MARCHF1: variants seen among roughly 807,000 people sequenced by gnomAD.
The protein encoded by MARCHF1 is membrane associated ring-CH-type finger 1.
A neutral mutation model predicts 54.2 loss-of-function variants in MARCHF1; 40 were observed. That is an observed-to-expected ratio of 0.74 (90% CI 0.57 to 0.96). The LOEUF (loss-of-function observed/expected upper bound fraction) is 0.96. Ranked by LOEUF, MARCHF1 falls within the 40% of genes least tolerant of loss-of-function variation. The pLI is 0.00. For synonymous variants in MARCHF1, 236 were observed against 236.3 expected (o/e 1.00, Z 0.01); for missense variants, 586 against 656.5 (o/e 0.89, Z 1.17).
chr4:164,250,205 G>A (rs1733083135), intron 1 of MARCHF1, among the ~76,000 whole-genome samples: 1 of 152,046 alleles, frequency 6.6e-6, no homozygotes, highest in Non-Finnish European at 1.5e-5. Context: ...TATGTGCATG[G>A]TTAAAGTCAT....
At chr4:163,896,671 A>G (rs983267812) in intron 3 of MARCHF1, among the ~76,000 whole-genome samples, 9 of 152,150 alleles carry the variant, frequency 5.9e-5, no homozygotes, top group Admixed American at 2.6e-4. Context: ...CCTGACATCT[A>G]TCTCTTATCC....
intron 4 of MARCHF1, among the ~76,000 whole-genome samples, chr4:163,741,943 A>C (rs1393261688): frequency 6.6e-6 from 1 of 152,152 alleles, no homozygotes; most frequent in Non-Finnish European, 1.5e-5. Flanking sequence ...TGTTATTTTA[A>C]TTTCCTTCAC....
At chr4:163,877,422 C>T (rs1403642178) in intron 3 of MARCHF1, among the ~76,000 whole-genome samples, 1 of 150,362 alleles carries the variant, frequency 6.7e-6, no homozygotes, top group South Asian at 2.1e-4. Flanking sequence ...CCACCCTTGA[C>T]ATTTTTATCC....
At chr4:164,297,165 C>T (rs1734433536) in intron 1 of MARCHF1, among the ~76,000 whole-genome samples, 1 of 152,166 alleles carries the variant, frequency 6.6e-6, no homozygotes, top group Admixed American at 6.6e-5. Flanking sequence ...TTAAAATTCT[C>T]AATGCAAACA....
At chr4:163,568,872 A>G (rs1222624715) in intron 8 of MARCHF1, among the ~76,000 whole-genome samples, 1 of 152,136 alleles carries the variant, frequency 6.6e-6, no homozygotes, top group Non-Finnish European at 1.5e-5. Flanking sequence ...AACTGCAAAC[A>G]GAAGCCACAG....
At chr4:164,082,579 T>C (rs1013019530) in intron 2 of MARCHF1, among the ~76,000 whole-genome samples, 1 of 152,212 alleles carries the variant, frequency 6.6e-6, no homozygotes, top group African/African-American at 2.4e-5. Context: ...AAGGCATATA[T>C]ACAAATGTTA....
At chr4:163,896,037 A>G (rs1750798732) in intron 3 of MARCHF1, among the ~76,000 whole-genome samples, 1 of 152,224 alleles carries the variant, frequency 6.6e-6, no homozygotes, top group South Asian at 2.1e-4. Flanking sequence ...AATAAAAATG[A>G]TATTCTAAAA....
intron 5 of MARCHF1, among the ~76,000 whole-genome samples, chr4:163,641,340 A>G (rs1249234817): frequency 6.6e-6 from 1 of 152,168 alleles, no homozygotes; most frequent in Non-Finnish European, 1.5e-5. Context: ...TAAAGTTAGT[A>G]CAATTCCTGT....
intron 4 of MARCHF1, among the ~76,000 whole-genome samples, chr4:163,757,948 G>T (rs113748095): frequency 6.6e-6 from 1 of 152,030 alleles, no homozygotes; most frequent in Non-Finnish European, 1.5e-5. Flanking sequence ...AATCATTTCC[G>T]TGTAAAAGTT....
intron 2 of MARCHF1, among the ~76,000 whole-genome samples, chr4:164,111,049 C>T (rs1579544109): frequency 6.6e-6 from 1 of 151,900 alleles, no homozygotes; most frequent in South Asian, 2.1e-4. Flanking sequence ...CCATCTAAAT[C>T]ATATAGAGCA....
chr4:164,005,080 G>C (rs572580155), intron 2 of MARCHF1, among the ~76,000 whole-genome samples: 1 of 151,286 alleles, frequency 6.6e-6, no homozygotes, highest in African/African-American at 2.4e-5. Flanking sequence ...TAAATCAAAA[G>C]AAAAGTAAAA....
At chr4:164,200,208 T>A (rs1262030638) in intron 1 of MARCHF1, among the ~76,000 whole-genome samples, 1 of 152,228 alleles carries the variant, frequency 6.6e-6, no homozygotes, top group Non-Finnish European at 1.5e-5. Context: ...AAAGACTTGT[T>A]CATCTTACAA....
At chr4:163,691,791 T>G (rs1376581260) in intron 5 of MARCHF1, among the ~76,000 whole-genome samples, 3 of 151,940 alleles carry the variant, frequency 2.0e-5, no homozygotes, top group African/African-American at 7.3e-5. Context: ...ATGGTGGAGG[T>G]TTTTCCCCAC....
intron 1 of MARCHF1, among the ~76,000 whole-genome samples, chr4:164,126,064 C>T (rs995934815): frequency 6.6e-6 from 1 of 152,184 alleles, no homozygotes; most frequent in Non-Finnish European, 1.5e-5. Flanking sequence ...TGGGGTCAAA[C>T]GACTAAGGTT....
chr4:164,168,622 A>G (rs1271130549), intron 1 of MARCHF1, among the ~76,000 whole-genome samples: 1 of 151,940 alleles, frequency 6.6e-6, no homozygotes, highest in Non-Finnish European at 1.5e-5. Context: ...CAAGCCAGAC[A>G]CAGAAATAGA....
intron 1 of MARCHF1, among the ~76,000 whole-genome samples, chr4:164,128,850 T>C (rs1430777596): frequency 1.3e-5 from 2 of 152,168 alleles, no homozygotes; most frequent in Non-Finnish European, 2.9e-5. Flanking sequence ...TTATCTGCAT[T>C]ACAAAGCCAC....
At chr4:163,903,858 T>G (rs970913962) in intron 3 of MARCHF1, among the ~76,000 whole-genome samples, 1 of 152,106 alleles carries the variant, frequency 6.6e-6, no homozygotes, top group Non-Finnish European at 1.5e-5. Flanking sequence ...TCAAGTGAGC[T>G]GCCTGCCTTG....
At chr4:164,191,210 C>T (rs1731115738) in intron 1 of MARCHF1, among the ~76,000 whole-genome samples, 1 of 152,158 alleles carries the variant, frequency 6.6e-6, no homozygotes, top group African/African-American at 2.4e-5. Context: ...TAAGCATGTT[C>T]TTTCTTAATC....
chr4:163,933,573 T>C (rs1027025397), intron 3 of MARCHF1, among the ~76,000 whole-genome samples: 1 of 152,240 alleles, frequency 6.6e-6, no homozygotes, highest in Non-Finnish European at 1.5e-5. Context: ...AGTGACTGTG[T>C]TTTGTATTAC....
Sources: gnomAD v4.1 joint callset for allele counts (sites outside exome capture counted in the v4.1 genomes callset) on GRCh38, gnomAD v4.1.1 for gene constraint, MANE v1.5 for transcripts, NCBI Gene and HGNC (gene_info 2026-07-23, HGNC 2026-07-21) for gene names.